SRPK2: variants seen among roughly 807,000 people sequenced by gnomAD.
SRPK2 encodes the protein SFRS protein kinase 2.
In SRPK2, 21 loss-of-function variants were observed where a neutral mutation model predicts 90.8. The ratio of observed to expected loss-of-function variants is 0.23; its 90% CI spans 0.16 to 0.33. The LOEUF (loss-of-function observed/expected upper bound fraction) is 0.33. Ranked by LOEUF, SRPK2 falls within the 10% of genes least tolerant of loss-of-function variation. The pLI is 1.00. For missense variants in SRPK2, 620 were observed against 869.0 expected, an observed-to-expected ratio of 0.71 and a Z score of 3.60; for synonymous variants, 288 against 311.1, an observed-to-expected ratio of 0.93 and a Z score of 0.78.
chr7:105,139,594 T>C (rs918723303), intron 11 of SRPK2, among the ~76,000 whole-genome samples: 4 of 152,114 alleles, frequency 2.6e-5, no homozygotes, highest in Non-Finnish European at 5.9e-5. Context: ...ATAGGATAAG[T>C]CTTATGACTT....
rs1277452727 is a variant in SRPK2, at chr7:105,234,191, G to GA, written c.72-30407dup. On this transcript the variant is annotated intron_variant, in intron 2 of 15. Coordinates refer to ENST00000393651, the MANE Select transcript of SRPK2 (RefSeq NM_182692.3). ...TTTAGTAATTTCAGTTATGTAAAAA[G>GA]AAAAAGACTACAAAGATTTATACTA... is the stretch of plus-strand genomic sequence containing the variant. Among the ~76,000 whole-genome samples, 3 of 152,176 alleles carry GA rather than the reference G, an allele frequency of 2.0e-5. No individual in the cohort carries two copies. The South Asian group carries it at 6.2e-4, about 32-fold the overall frequency.
At chr7:105,212,486 C>A (rs1796977495) in intron 2 of SRPK2, among the ~76,000 whole-genome samples, 2 of 152,268 alleles carry the variant, frequency 1.3e-5, no homozygotes, top group South Asian at 4.1e-4. Flanking sequence ...GGAACCACAT[C>A]ATCAAAAGCA....
intron 15 of SRPK2, 113 bp downstream of exon 15, chr7:105,126,135 G>A (rs1801165707): frequency 1.1e-6 from 1 of 897,240 alleles, no homozygotes; most frequent in Non-Finnish European, 1.8e-6. Context: ...AATTCTGCTG[G>A]GTTGCGTTTC....
chr7:105,331,336 A>AAAAAAAAAAAAAAAG (rs1814366248), intron 2 of SRPK2, among the ~76,000 whole-genome samples: 1 of 145,738 alleles, frequency 6.9e-6, no homozygotes, highest in Non-Finnish European at 1.5e-5. Flanking sequence ...AAAAAAAAAA[A>AAAAAAAAAAAAAAAG]ACAAATAGTT....
intron 3 of SRPK2, among the ~76,000 whole-genome samples, chr7:105,187,670 T>C (rs930419291): frequency 1.3e-5 from 2 of 152,210 alleles, no homozygotes; most frequent in Non-Finnish European, 2.9e-5. Flanking sequence ...TCTCAGTGTG[T>C]TACCAACACA....
At chr7:105,325,969 G>A (rs1813533927) in intron 2 of SRPK2, among the ~76,000 whole-genome samples, 1 of 152,204 alleles carries the variant, frequency 6.6e-6, no homozygotes, top group Admixed American at 6.5e-5. Flanking sequence ...AATGCTGAGG[G>A]GCCTCGGATA....
At chr7:105,185,132 G>C (rs1793409597) in intron 3 of SRPK2, among the ~76,000 whole-genome samples, 1 of 151,812 alleles carries the variant, frequency 6.6e-6, no homozygotes, top group African/African-American at 2.4e-5. Context: ...ATAATATATT[G>C]AATTATGAAC....
intron 7 of SRPK2, among the ~76,000 whole-genome samples, chr7:105,153,991 T>G (rs913419377): frequency 6.6e-6 from 1 of 152,120 alleles, no homozygotes; most frequent in Admixed American, 6.5e-5. Flanking sequence ...AAAACCAAGA[T>G]GTTAAACTCA....
chr7:105,372,103 C>A (rs1373775847), intron 2 of SRPK2, among the ~76,000 whole-genome samples: 1 of 147,162 alleles, frequency 6.8e-6, no homozygotes, highest in Non-Finnish European at 1.5e-5. Flanking sequence ...CCACTGCACT[C>A]CAGCCTGGGT....
upstream of SRPK2, chr7:105,389,348 C>T: frequency 1.6e-6 from 2 of 1,275,880 alleles, no homozygotes; most frequent in Non-Finnish European, 1.0e-6. Flanking sequence ...TCCCTTTGCT[C>T]CTCTACATCC....
At chr7:105,156,973 A>T (rs1806585671) in intron 7 of SRPK2, among the ~76,000 whole-genome samples, 1 of 152,220 alleles carries the variant, frequency 6.6e-6, no homozygotes, top group Non-Finnish European at 1.5e-5. Context: ...GCTTCAGCAA[A>T]CAGGCAATGG....
chr7:105,301,732 C>T, intron 2 of SRPK2: 1 of 1,606,454 alleles, frequency 6.2e-7, no homozygotes, highest in Non-Finnish European at 8.5e-7. Context: ...TTTAACAACA[C>T]CGTATCATCA....
chr7:105,288,411 C>G lies in SRPK2; in HGVS notation c.72-84626G>C, dbSNP rs188020273. On this transcript the variant is annotated intron_variant, in intron 2 of 15. Coordinates refer to ENST00000393651, the MANE Select transcript of SRPK2 (RefSeq NM_182692.3). ...GAGTTTGAGATCAGCCTGGCCAACA[C>G]AGTGAACCCTATCTCTACTAAAAAT... Among the ~76,000 whole-genome samples the G allele has an allele frequency of 6.4e-4, 97 of 152,150 alleles. 1 individual carries two copies. Among genetic ancestry groups the G allele is most frequent in the Admixed American group, 5.5e-3 (84 of 15,270 alleles).
chr7:105,280,699 G>C (rs1179155912), intron 2 of SRPK2, among the ~76,000 whole-genome samples: 2 of 149,524 alleles, frequency 1.3e-5, no homozygotes, highest in African/African-American at 5.0e-5. Context: ...TGTAATCCTA[G>C]CACTTTGGGA....
In SRPK2 at chr7:105,301,423, G is replaced by A. The variant is rs867206401; in HGVS notation, c.71+87225C>T. The A allele has an allele frequency of 1.0e-4, 72 of 689,628 alleles. 1 individual carries two copies. Among genetic ancestry groups the A allele is most frequent in the South Asian group, 4.5e-4 (28 of 61,540 alleles). The allele number at this position is 689,628 out of a possible 1,614,324, so 42.7% of individuals were successfully genotyped here. Reference sequence around the variant, plus strand: ...ACTGTGCCGCCCCCACAACCAAGGCGCCAAAGGGGGTCGCCGGGCCTCTGG... The same window carrying A: ...ACTGTGCCGCCCCCACAACCAAGGCACCAAAGGGGGTCGCCGGGCCTCTGG... On this transcript the variant is annotated intron_variant, in intron 2 of 15. Coordinates refer to ENST00000393651, the MANE Select transcript of SRPK2 (RefSeq NM_182692.3).
chr7:105,123,703 A>G (rs1417624385), intron 15 of SRPK2, among the ~76,000 whole-genome samples: 2 of 152,128 alleles, frequency 1.3e-5, no homozygotes, highest in African/African-American at 4.8e-5. Flanking sequence ...ACCGGCCCTC[A>G]TTCCTCATAA....
chr7:105,310,614 G>A (rs1219054085), intron 2 of SRPK2, among the ~76,000 whole-genome samples: 2 of 151,676 alleles, frequency 1.3e-5, no homozygotes, highest in African/African-American at 4.9e-5. Flanking sequence ...CTGCACTCCA[G>A]CCCGGGTTAA....
chr7:105,125,539 A>C (rs1217070597), intron 15 of SRPK2, among the ~76,000 whole-genome samples: 1 of 152,182 alleles, frequency 6.6e-6, no homozygotes, highest in Non-Finnish European at 1.5e-5. Flanking sequence ...TAATATACAG[A>C]TTGGTAACTT....
intron 2 of SRPK2, among the ~76,000 whole-genome samples, chr7:105,386,919 A>G (rs1821683816): frequency 6.6e-6 from 1 of 152,152 alleles, no homozygotes; most frequent in Non-Finnish European, 1.5e-5. Context: ...TGGCAGATTA[A>G]TCTGTGAGAG....
Sources: gnomAD v4.1 joint callset for allele counts (sites outside exome capture counted in the v4.1 genomes callset) on GRCh38, gnomAD v4.1.1 for gene constraint, MANE v1.5 for transcripts, NCBI Gene and HGNC (gene_info 2026-07-23, HGNC 2026-07-21) for gene names.